Variants in COL14A1 observed in about 807,000 individuals in gnomAD.
COL14A1 encodes the protein collagen alpha-1(XIV) chain.
Under a neutral mutation model 230.3 loss-of-function variants are expected in COL14A1, and 136 were observed. The ratio of observed to expected loss-of-function variants is 0.59; its 90% CI spans 0.51 to 0.68. The LOEUF (loss-of-function observed/expected upper bound fraction) is 0.68, where lower values mean the gene tolerates loss of function less well. COL14A1 is among the 30% of genes least tolerant of loss of function. The pLI, the probability that COL14A1 is intolerant of heterozygous loss-of-function variation, is 0.00. For missense variants in COL14A1, 1,976 were observed against 2,215.8 expected (o/e 0.89, Z 2.17); for synonymous variants, 792 against 784.1 (o/e 1.01, Z -0.17).
intron 19 of COL14A1, among the ~76,000 whole-genome samples, chr8:120,237,027 C>T (rs1818465419): frequency 6.6e-6 from 1 of 152,206 alleles, no homozygotes; most frequent in African/African-American, 2.4e-5. Context: ...GTAGCCCAAC[C>T]TTTCGCTCTG....
At chr8:120,306,693 C>T (rs1820868197) in intron 36 of COL14A1, among the ~76,000 whole-genome samples, 1 of 152,062 alleles carries the variant, frequency 6.6e-6, no homozygotes. Flanking sequence ...GTGATATGCC[C>T]AGTGACAAGG....
intron 34 of COL14A1, among the ~76,000 whole-genome samples, chr8:120,291,225 T>C (rs1195948897): frequency 6.6e-6 from 1 of 152,060 alleles, no homozygotes; most frequent in East Asian, 1.9e-4. Context: ...AATGGATATA[T>C]AGATGGATAC....
Position 120,297,548 on chromosome 8 carries a change from C to A in COL14A1, c.4274C>A (p.Ser1425Ter). ...ATGTTTGATATTGTTTGCTCCACAT[C>A]ATGGGCCAATACAGACAAATGCTGT... ...LQMFDIVCST[S>*]WANTDKCCEL... Residue 1425 changes from serine to a stop codon, truncating the protein, a stop_gained, in exon 35 of 48, where the codon TCA becomes TAA. Transcript: ENST00000297848. LOFTEE classifies it high-confidence loss of function. The A allele has an allele frequency of 6.8e-7, 1 of 1,463,216 alleles. No homozygotes were observed. The highest frequency in any genetic ancestry group is 9.0e-7 in the Non-Finnish European group (1 of 1,109,094). 90.6% of individuals were successfully genotyped at this position (1,463,216 alleles called of 1,614,324 possible).
chr8:120,242,106 A>G (rs928527654), intron 19 of COL14A1, among the ~76,000 whole-genome samples: 1 of 152,222 alleles, frequency 6.6e-6, no homozygotes, highest in Non-Finnish European at 1.5e-5. Flanking sequence ...AATGTAAATG[A>G]ATATTGTGTT....
chr8:120,163,216 A>G (rs1270716799), intron 4 of COL14A1, among the ~76,000 whole-genome samples: 1 of 152,190 alleles, frequency 6.6e-6, no homozygotes, highest in East Asian at 1.9e-4. Context: ...AACAAATACA[A>G]TGTGATAAGT....
intron 5 of COL14A1, among the ~76,000 whole-genome samples, chr8:120,184,224 G>GATTTATTT (rs10689956): frequency 0.066 from 8,897 of 135,462 alleles, 327 homozygotes; most frequent in East Asian, 0.12. Flanking sequence ...GGGGGGAAGA[G>GATTTATTT]ATTTATTTAT....
chr8:120,370,198 A>G, intron 47 of COL14A1: 1 of 809,014 alleles, frequency 1.2e-6, no homozygotes, highest in Non-Finnish European at 2.0e-6. Flanking sequence ...TTACTAGTTA[A>G]TGGGTTTAAA....
At chr8:120,137,610 AT>A (rs1387381078) in intron 1 of COL14A1, among the ~76,000 whole-genome samples, 1 of 151,958 alleles carries the variant, frequency 6.6e-6, no homozygotes, top group African/African-American at 2.4e-5. Flanking sequence ...TTTATCTCTA[AT>A]TCTTTAGCTG....
At chr8:120,332,116 G>A in intron 40 of COL14A1, 25 bp from the exon 41 acceptor site, 1 of 1,612,926 alleles carries the variant, frequency 6.2e-7, no homozygotes, top group South Asian at 1.1e-5. Flanking sequence ...ACCACTTGCT[G>A]ACATGCTGTG....
chr8:120,161,054 G>A (rs1041693964), intron 3 of COL14A1, among the ~76,000 whole-genome samples: 1 of 152,116 alleles, frequency 6.6e-6, no homozygotes, highest in African/African-American at 2.4e-5. Context: ...TGTAGTAGAT[G>A]AGTTTTAAAT....
At chr8:120,370,811 C>T in intron 47 of COL14A1, 1 of 1,367,708 alleles carries the variant, frequency 7.3e-7, no homozygotes, top group Non-Finnish European at 9.7e-7. Context: ...CCTGCTCTTC[C>T]CTGGTGATGG....
intron 10 of COL14A1, 40 bp downstream of exon 10, chr8:120,207,134 C>T (rs1289748812): frequency 6.5e-7 from 1 of 1,537,128 alleles, no homozygotes; most frequent in African/African-American, 1.4e-5. Context: ...TCTTTTTATT[C>T]TCTCAAGTCT....
At chr8:120,139,100 A>G (rs1262479738) in intron 1 of COL14A1, among the ~76,000 whole-genome samples, 1 of 152,034 alleles carries the variant, frequency 6.6e-6, no homozygotes, top group Non-Finnish European at 1.5e-5. Flanking sequence ...CTGTTACAGA[A>G]CTCCTGTGGG....
At position 120,168,084 on chromosome 8, in the gene COL14A1, G is replaced by C. The variant is rs541247965; in HGVS notation, c.350-77G>C. 5.0e-6 allele frequency: 5 copies of C among 994,708 alleles called. No individual in the cohort carries two copies. In the East Asian group the frequency reaches 7.3e-5, roughly 15 times the overall value. 61.6% of individuals were successfully genotyped at this position (994,708 alleles called of 1,614,324 possible). A position where few individuals can be genotyped will look rare whatever the true frequency, so the allele number is the denominator to read the frequency against. ...TATAGATACTTTTAGGGCTTTCAAG[G>C]GTTTTAGTAAAACTCACTGAATATT... On this transcript the variant is annotated intron_variant, in intron 4 of 47. Coordinates refer to ENST00000297848, the MANE Select transcript of COL14A1 (RefSeq NM_021110.4).
In COL14A1 at chr8:120,280,903, C is replaced by CTT. The variant is rs397705616; in HGVS notation, c.3686-4_3686-3dup. The CTT allele has an allele frequency of 5.0e-4, 699 of 1,395,316 alleles. No homozygotes were observed. The highest frequency in any genetic ancestry group is 1.1e-3 in the South Asian group (81 of 72,148). 86.4% of individuals were successfully genotyped at this position (1,395,316 alleles called of 1,614,324 possible). A position where few individuals can be genotyped will look rare whatever the true frequency, so the allele number is the denominator to read the frequency against. ...ATTCCTTATGTTTATTCTTTTTCTACTTTTTTTTTTTTTTTAGGATTTAAG... is the reference window on the plus strand; with the variant it reads ...ATTCCTTATGTTTATTCTTTTTCTACTTTTTTTTTTTTTTTTTAGGATTTAAG... On this transcript the variant is annotated splice_polypyrimidine_tract_variant and intron_variant, in intron 30 of 47. Transcript: ENST00000297848.
At chr8:120,349,005 G>A (rs936702906) in intron 45 of COL14A1, among the ~76,000 whole-genome samples, 42 of 152,146 alleles carry the variant, frequency 2.8e-4, no homozygotes, top group African/African-American at 8.9e-4. Flanking sequence ...GCTTTGAAGG[G>A]AGCAGTGGTT....
At chr8:120,317,872 C>G (rs560447647) in intron 40 of COL14A1, among the ~76,000 whole-genome samples, 1 of 152,286 alleles carries the variant, frequency 6.6e-6, no homozygotes, top group South Asian at 2.1e-4. Context: ...TTTCCTTTCT[C>G]TTCCAATCTG....
chr8:120,243,127 A>T (rs1038048546), intron 19 of COL14A1, among the ~76,000 whole-genome samples: 14 of 152,184 alleles, frequency 9.2e-5, no homozygotes, highest in African/African-American at 2.7e-4. Context: ...CACTGAGAAC[A>T]TGTGGCTTTT....
intron 1 of COL14A1, among the ~76,000 whole-genome samples, chr8:120,127,858 G>C (rs1327869510): frequency 6.6e-6 from 1 of 152,156 alleles, no homozygotes; most frequent in Non-Finnish European, 1.5e-5. Flanking sequence ...AAGGACAAGA[G>C]CCTTCCTAGA....
Sources: allele counts gnomAD v4.1 joint callset (sites outside exome capture counted in the v4.1 genomes callset), GRCh38; gene constraint gnomAD v4.1.1; transcripts MANE v1.5; gene names NCBI Gene and HGNC (gene_info 2026-07-23, HGNC 2026-07-21).